The following TAFA5 variants were observed in gnomAD, a reference collection of about 807,000 sequenced individuals.
TAFA5 encodes the protein TAFA chemokine like family member 5.
In TAFA5, 6 loss-of-function variants were observed where a neutral mutation model predicts 15.3. The ratio of observed to expected loss-of-function variants is 0.39; its 90% CI spans 0.21 to 0.77. TAFA5 has a LOEUF of 0.77. TAFA5 is among the 30% of genes least tolerant of loss of function. The probability of loss-of-function intolerance (pLI) is 0.41; values close to 1 mark genes in which losing one functional copy is unlikely to be tolerated. For missense variants in TAFA5, 161 were observed against 193.1 expected, an observed-to-expected ratio of 0.83 and a Z score of 0.98; for synonymous variants, 103 against 80.7, an observed-to-expected ratio of 1.28 and a Z score of -1.48.
chr22:48,633,530 C>CTCTA (rs1926318173), intron 1 of TAFA5, among the ~76,000 whole-genome samples: 1 of 116,224 alleles, frequency 8.6e-6, no homozygotes, highest in African/African-American at 3.4e-5. Flanking sequence ...GTCTGTCTGT[C>CTCTA]TGTCTCTCCC....
At chr22:48,621,042 A>AG (rs1925811046) in intron 1 of TAFA5, among the ~76,000 whole-genome samples, 1 of 24,778 alleles carries the variant, frequency 4.0e-5, no homozygotes, top group Non-Finnish European at 7.5e-5. Flanking sequence ...CCACCCTCCC[A>AG]CCCATCCACC....
At chr22:48,744,499 G>A (rs1930271340) in intron 3 of TAFA5, among the ~76,000 whole-genome samples, 1 of 152,196 alleles carries the variant, frequency 6.6e-6, no homozygotes, top group South Asian at 2.1e-4. Flanking sequence ...TGGGATTGGA[G>A]CCGGGTCCCA....
chr22:48,736,863 G>C (rs6010507), intron 3 of TAFA5, among the ~76,000 whole-genome samples: 1,619 of 152,336 alleles, frequency 0.011, 25 homozygotes, highest in African/African-American at 0.037. Flanking sequence ...GACGGGTATG[G>C]CGTTGCTTTC....
At chr22:48,501,482 C>T (rs572032038) in intron 1 of TAFA5, among the ~76,000 whole-genome samples, 52 of 152,294 alleles carry the variant, frequency 3.4e-4, no homozygotes, top group African/African-American at 1.2e-3. Context: ...CCCTCCTGGA[C>T]GCCTTCCTGG....
intron 1 of TAFA5, among the ~76,000 whole-genome samples, chr22:48,513,707 A>G (rs1313656933): frequency 6.6e-6 from 1 of 152,132 alleles, no homozygotes; most frequent in Non-Finnish European, 1.5e-5. Context: ...CTGCAGGAGG[A>G]GGAGGTGCCG....
chr22:48,719,090 G>T (rs1262510214), intron 3 of TAFA5, among the ~76,000 whole-genome samples: 1 of 152,238 alleles, frequency 6.6e-6, no homozygotes, highest in Admixed American at 6.5e-5. Flanking sequence ...GGCCCAGGGG[G>T]ATTTTCAACT....
At chr22:48,695,983 A>AG (rs1477842475) in intron 2 of TAFA5, among the ~76,000 whole-genome samples, 1 of 152,196 alleles carries the variant, frequency 6.6e-6, no homozygotes, top group Non-Finnish European at 1.5e-5. Context: ...GAGAGCATAT[A>AG]GGCTGTTTGG....
chr22:48,745,308 G>A (rs1296631822), intron 3 of TAFA5, among the ~76,000 whole-genome samples: 2 of 149,588 alleles, frequency 1.3e-5, no homozygotes, highest in Non-Finnish European at 3.0e-5. Flanking sequence ...CTTTGTCGTC[G>A]GCGGCTGGCC....
chr22:48,746,282 CGTCA>C (rs1930325529), intron 3 of TAFA5, among the ~76,000 whole-genome samples: 1 of 152,050 alleles, frequency 6.6e-6, no homozygotes, highest in Non-Finnish European at 1.5e-5. Context: ...GCACCCCACT[CGTCA>C]GGCAGGCAGA....
intron 3 of TAFA5, among the ~76,000 whole-genome samples, chr22:48,737,612 G>A (rs551548025): frequency 1.3e-5 from 2 of 152,330 alleles, no homozygotes; most frequent in Admixed American, 1.3e-4. Flanking sequence ...CCATGGCACA[G>A]CACGGAAGGG....
intron 3 of TAFA5, among the ~76,000 whole-genome samples, chr22:48,717,390 G>A (rs564468841): frequency 1.3e-5 from 2 of 152,322 alleles, no homozygotes; most frequent in East Asian, 1.9e-4. Context: ...AGCCCTGCAC[G>A]TACCTGTGCT....
At chr22:48,534,692 G>T (rs969889601) in intron 1 of TAFA5, among the ~76,000 whole-genome samples, 1 of 152,188 alleles carries the variant, frequency 6.6e-6, no homozygotes, top group South Asian at 2.1e-4. Context: ...TGAAGGAGAG[G>T]CTGCGCCCCC....
At chr22:48,609,244 A>G (rs1274849312) in intron 1 of TAFA5, among the ~76,000 whole-genome samples, 1 of 152,002 alleles carries the variant, frequency 6.6e-6, no homozygotes, top group Non-Finnish European at 1.5e-5. Flanking sequence ...GAAGAGGGAG[A>G]TTGTGTTTTC....
chr22:48,596,957 AC>A (rs910737606), intron 1 of TAFA5, among the ~76,000 whole-genome samples: 7 of 151,824 alleles, frequency 4.6e-5, no homozygotes, highest in Admixed American at 2.6e-4. Context: ...ACAGGTGTGC[AC>A]CCCCACGCTT....
chr22:48,495,692 G>A (rs1017067376), intron 1 of TAFA5, among the ~76,000 whole-genome samples: 1 of 152,160 alleles, frequency 6.6e-6, no homozygotes, highest in Non-Finnish European at 1.5e-5. Context: ...CCTCACACCT[G>A]CTCTCCCTCC....
At chr22:48,727,827 C>T (rs1369661450) in intron 3 of TAFA5, among the ~76,000 whole-genome samples, 1 of 152,196 alleles carries the variant, frequency 6.6e-6, no homozygotes, top group Non-Finnish European at 1.5e-5. Context: ...TATATTGATA[C>T]ATTTACTTAT....
chr22:48,546,674 C>T (rs1477013290), intron 1 of TAFA5: 1 of 456,956 alleles, frequency 2.2e-6, no homozygotes, highest in South Asian at 1.6e-5. Flanking sequence ...TGTGAGGGTC[C>T]GCAGGATGGG....
intron 3 of TAFA5, among the ~76,000 whole-genome samples, chr22:48,738,960 C>A (rs1930106211): frequency 6.6e-6 from 1 of 152,230 alleles, no homozygotes; most frequent in Non-Finnish European, 1.5e-5. Flanking sequence ...ACCAAGCCAC[C>A]CCTCGTATGA....
intron 3 of TAFA5, among the ~76,000 whole-genome samples, chr22:48,710,488 C>T (rs533409811): frequency 1.3e-5 from 2 of 152,332 alleles, no homozygotes; most frequent in East Asian, 1.9e-4. Flanking sequence ...TCACCCACCC[C>T]AGAGCCAGAC....
Sources: gnomAD v4.1 joint callset for allele counts (sites outside exome capture counted in the v4.1 genomes callset) on GRCh38, gnomAD v4.1.1 for gene constraint, MANE v1.5 for transcripts, NCBI Gene and HGNC (gene_info 2026-07-23, HGNC 2026-07-21) for gene names.